GABRG1: variants seen among roughly 807,000 people sequenced by gnomAD.
GABRG1 encodes the protein gamma-aminobutyric acid receptor subunit gamma-1.
GABRG1 carries 49 observed loss-of-function variants against 49.8 expected under a neutral mutation model. The observed-to-expected ratio is 0.98, with a 90% CI of 0.78 to 1.25. The LOEUF is 1.25. Ranked by LOEUF, GABRG1 falls within the 50% of genes most tolerant of loss-of-function variation. The probability of loss-of-function intolerance (pLI) is 0.00; values close to 1 mark genes in which losing one functional copy is unlikely to be tolerated. For synonymous variants in GABRG1, 232 were observed against 185.1 expected (o/e 1.25, Z -2.06); for missense variants, 552 against 552.3 (o/e 1.00, Z 0.01).
At chr4:46,106,350 C>T (rs994943407) in intron 1 of GABRG1, among the ~76,000 whole-genome samples, 10 of 151,386 alleles carry the variant, frequency 6.6e-5, no homozygotes, top group Admixed American at 5.9e-4. Context: ...CCAGGGGATA[C>T]CCCATAATTA....
chr4:46,113,882 C>A (rs1463101770), intron 1 of GABRG1, among the ~76,000 whole-genome samples: 1 of 151,004 alleles, frequency 6.6e-6, no homozygotes, highest in African/African-American at 2.4e-5. Flanking sequence ...TATTTATTTA[C>A]AACCATCAAA....
intron 2 of GABRG1, among the ~76,000 whole-genome samples, chr4:46,086,767 G>A (rs1211557817): frequency 6.6e-6 from 1 of 151,574 alleles, no homozygotes; most frequent in African/African-American, 2.4e-5. Context: ...CAACCACCTA[G>A]TGTGAATACT....
intron 5 of GABRG1, among the ~76,000 whole-genome samples, chr4:46,061,866 T>A (rs34031212): frequency 7.3e-6 from 1 of 136,304 alleles, no homozygotes; most frequent in Admixed American, 7.2e-5. Flanking sequence ...AACAAATTTG[T>A]TTATTTTATT....
chr4:46,098,627 C>T (rs1720270365), intron 1 of GABRG1, among the ~76,000 whole-genome samples: 1 of 151,686 alleles, frequency 6.6e-6, no homozygotes, highest in Non-Finnish European at 1.5e-5. Context: ...AGAGAACACG[C>T]CAGTCCGAGA....
chr4:46,062,824 A>C lies in GABRG1; in HGVS notation c.625+1617T>G, dbSNP rs865947767. ...TGATAAGCAAATTCAGCAAAGTCTCAGGATACAAAATCAATGTACAAAAAT... is the reference window on the plus strand; with the variant it reads ...TGATAAGCAAATTCAGCAAAGTCTCCGGATACAAAATCAATGTACAAAAAT... On this transcript the variant is annotated intron_variant, in intron 5 of 8. Transcript: ENST00000295452. Among the ~76,000 whole-genome samples, 301 of 152,292 alleles carry C rather than the reference A, an allele frequency of 2.0e-3. 1 individual carries two copies. The highest frequency in any genetic ancestry group is 3.4e-3 in the Middle Eastern group (1 of 294).
At chr4:46,081,762 A>G (rs1719582915) in intron 3 of GABRG1, among the ~76,000 whole-genome samples, 1 of 151,886 alleles carries the variant, frequency 6.6e-6, no homozygotes, top group Non-Finnish European at 1.5e-5. Flanking sequence ...TTAAAGGCAG[A>G]GCATTTAAAG....
intron 1 of GABRG1, among the ~76,000 whole-genome samples, chr4:46,103,046 C>T (rs1037178653): frequency 1.3e-5 from 2 of 151,542 alleles, no homozygotes; most frequent in African/African-American, 4.8e-5. Flanking sequence ...CACAAAATGG[C>T]CTACTTTGGA....
chr4:46,118,121 C>CGT (rs922561838), intron 1 of GABRG1, among the ~76,000 whole-genome samples: 6 of 84,426 alleles, frequency 7.1e-5, no homozygotes, highest in South Asian at 2.8e-4. Flanking sequence ...TACATATATA[C>CGT]GTGTGTGTGT....
chr4:46,103,310 A>C (rs995984563), intron 1 of GABRG1, among the ~76,000 whole-genome samples: 2 of 151,524 alleles, frequency 1.3e-5, no homozygotes, highest in African/African-American at 4.8e-5. Flanking sequence ...ACTTCATTGG[A>C]AAAAAATGAT....
intron 1 of GABRG1, among the ~76,000 whole-genome samples, chr4:46,108,450 T>C (rs1720624405): frequency 6.6e-6 from 1 of 151,170 alleles, no homozygotes; most frequent in South Asian, 2.1e-4. Flanking sequence ...GAGCAAAATG[T>C]TGACTTTCTG....
chr4:46,044,915 T>G (rs1717931920), intron 8 of GABRG1, among the ~76,000 whole-genome samples: 1 of 152,094 alleles, frequency 6.6e-6, no homozygotes, highest in Non-Finnish European at 1.5e-5. Flanking sequence ...GGAACTGGAA[T>G]GTCCTAGTAT....
intron 1 of GABRG1, among the ~76,000 whole-genome samples, chr4:46,103,347 A>T (rs1720443398): frequency 6.6e-6 from 1 of 151,648 alleles, no homozygotes; most frequent in Non-Finnish European, 1.5e-5. Context: ...GAGTATATGT[A>T]CAGAAAAAAT....
In GABRG1 at chr4:46,041,019, A is replaced by G; in HGVS notation, c.1367T>C (p.Leu456Ser). Residue 456 changes from leucine (L) to serine (S), a missense_variant, in exon 9 of 9, where the codon TTG (leucine) becomes TCG (serine). Leu to Ser is a moderately radical substitution (Grantham distance 145, BLOSUM62 -2). Transcript: ENST00000295452. ...FFPTAFALFN[L>S]VYWVGYLYL The stretch of plus-strand genomic sequence containing the variant: ...GTAAAGATAGCCAACCCAATAAACC[A>G]AGTTGAACAGGGCAAAAGCGGTTGG... The G allele has an allele frequency of 4.3e-6, 7 of 1,612,528 alleles. No homozygotes were observed. The highest frequency in any genetic ancestry group is 5.9e-6 in the Non-Finnish European group (7 of 1,179,008).
intron 8 of GABRG1, among the ~76,000 whole-genome samples, chr4:46,051,151 AAT>A (rs1197769256): frequency 6.6e-6 from 1 of 151,906 alleles, no homozygotes; most frequent in Admixed American, 6.6e-5. Context: ...GTAAATCACA[AAT>A]AATGTTTGAG....
At position 46,052,632 on chromosome 4, in the gene GABRG1, T is replaced by C. The variant is rs374175120; in HGVS notation, c.917-994A>G. ...TAAATTACAGATGCACATGCTAATATTTCTTTTAACCTAAACTTTCATAAT... is the reference window on the plus strand; with the variant it reads ...TAAATTACAGATGCACATGCTAATACTTCTTTTAACCTAAACTTTCATAAT... On this transcript the variant is annotated intron_variant, in intron 7 of 8. Coordinates refer to ENST00000295452, the MANE Select transcript of GABRG1 (RefSeq NM_173536.4). 1.8e-4 allele frequency among the ~76,000 whole-genome samples: 27 copies of C among 152,056 alleles called. No homozygotes were observed. The South Asian group carries it at 5.4e-3, about 30-fold the overall frequency.
chr4:46,061,226 G>A (rs1349239096), intron 5 of GABRG1, among the ~76,000 whole-genome samples: 1 of 151,940 alleles, frequency 6.6e-6, no homozygotes, highest in Admixed American at 6.6e-5. Flanking sequence ...GTTGCTATTT[G>A]GCTGTCTTAT....
At chr4:46,117,011 T>C (rs1358684009) in intron 1 of GABRG1, among the ~76,000 whole-genome samples, 3 of 150,484 alleles carry the variant, frequency 2.0e-5, no homozygotes, top group Non-Finnish European at 4.5e-5. Context: ...GATATCCCTG[T>C]ACTTAAGCAT....
intron 1 of GABRG1, among the ~76,000 whole-genome samples, chr4:46,114,619 T>G (rs1432930338): frequency 6.6e-6 from 1 of 150,932 alleles, no homozygotes; most frequent in Non-Finnish European, 1.5e-5. Context: ...ATACATAGTT[T>G]GTGCCCAATT....
chr4:46,117,623 TACACATATGTATAC>T (rs1720945750), intron 1 of GABRG1, among the ~76,000 whole-genome samples: 1 of 144,916 alleles, frequency 6.9e-6, no homozygotes, highest in Non-Finnish European at 1.5e-5. Flanking sequence ...TATATATATA[TACACATATGTATAC>T]ATATATACAT....
Sources: allele counts gnomAD v4.1 joint callset (sites outside exome capture counted in the v4.1 genomes callset), GRCh38; gene constraint gnomAD v4.1.1; transcripts MANE v1.5; gene names NCBI Gene and HGNC (gene_info 2026-07-23, HGNC 2026-07-21).